The following ANKRD31 variants were observed in gnomAD, a reference collection of about 807,000 sequenced individuals.
The protein encoded by ANKRD31 is ankyrin repeat domain-containing protein 31.
A neutral mutation model predicts 186.0 loss-of-function variants in ANKRD31; 147 were observed. The observed-to-expected ratio is 0.79, with a 90% CI of 0.69 to 0.91. The LOEUF (loss-of-function observed/expected upper bound fraction) is 0.91. Ranked by LOEUF, ANKRD31 falls within the 40% of genes least tolerant of loss-of-function variation. ANKRD31 has a pLI of 0.00. For synonymous variants in ANKRD31, 673 were observed against 736.4 expected, an observed-to-expected ratio of 0.91 and a Z score of 1.39; for missense variants, 1,986 against 2,148.8, an observed-to-expected ratio of 0.92 and a Z score of 1.50.
intron 17 of ANKRD31, among the ~76,000 whole-genome samples, chr5:75,124,928 T>G (rs1749105902): frequency 6.6e-6 from 1 of 152,166 alleles, no homozygotes; most frequent in African/African-American, 2.4e-5. Flanking sequence ...GCTCAATATA[T>G]CCATTTAACA....
chr5:75,221,254 C>G (rs1377563228), intron 3 of ANKRD31, among the ~76,000 whole-genome samples: 1 of 151,736 alleles, frequency 6.6e-6, no homozygotes, highest in African/African-American at 2.4e-5. Context: ...TGATAATAAT[C>G]TGTACACCAA....
chr5:75,082,594 A>G (rs1745167996), intron 24 of ANKRD31, among the ~76,000 whole-genome samples: 1 of 152,218 alleles, frequency 6.6e-6, no homozygotes, highest in Non-Finnish European at 1.5e-5. Flanking sequence ...GCTAAAGGCT[A>G]TTCCATCTGA....
rs534108484 is a variant in ANKRD31 at position 75,140,737 on chromosome 5, C to G, written c.3596-1754G>C. Among the ~76,000 whole-genome samples the G allele has an allele frequency of 1.2e-3, 181 of 152,272 alleles. 2 individuals are homozygous for G. Among genetic ancestry groups the G allele is most frequent in the African/African-American group, 4.3e-3 (177 of 41,552 alleles). The stretch of plus-strand genomic sequence containing the variant: ...CAAGTAGCCATGTTGGAGAAGCCCA[C>G]CCAGCAAGAAACTGAGGATGGCCAC... On this transcript the variant is annotated intron_variant, in intron 15 of 25. Coordinates refer to ENST00000506364, the MANE Select transcript of ANKRD31 (RefSeq NM_001372053.1).
chr5:75,202,801 CT>C (rs1755901606), intron 5 of ANKRD31, among the ~76,000 whole-genome samples: 1 of 152,182 alleles, frequency 6.6e-6, no homozygotes, highest in African/African-American at 2.4e-5. Flanking sequence ...GTTCTGAATA[CT>C]CTGAAAGGAG....
intron 22 of ANKRD31, among the ~76,000 whole-genome samples, chr5:75,101,211 T>C (rs1029627010): frequency 3.3e-5 from 5 of 152,250 alleles, no homozygotes; most frequent in African/African-American, 1.2e-4. Context: ...TATGAAATTC[T>C]GGGTTGAAAA....
chr5:75,194,244 ATCTCT>A (rs1242428726), intron 7 of ANKRD31, among the ~76,000 whole-genome samples: 1 of 152,078 alleles, frequency 6.6e-6, no homozygotes, highest in Non-Finnish European at 1.5e-5. Flanking sequence ...ATATTATTTG[ATCTCT>A]TCTAAGTAAG....
intron 9 of ANKRD31, among the ~76,000 whole-genome samples, chr5:75,188,964 T>A (rs947704649): frequency 6.6e-6 from 1 of 152,160 alleles, no homozygotes; most frequent in Non-Finnish European, 1.5e-5. Context: ...GACTAACAGA[T>A]AATCTTCTTA....
At chr5:75,184,967 A>C (rs1331080147) in intron 10 of ANKRD31, among the ~76,000 whole-genome samples, 1 of 152,222 alleles carries the variant, frequency 6.6e-6, no homozygotes, top group African/African-American at 2.4e-5. Context: ...CTAAGTGTCC[A>C]TCAACAGAAG....
intron 21 of ANKRD31, 101 bp from the exon 22 acceptor site, chr5:75,105,319 A>G: frequency 8.2e-7 from 1 of 1,224,470 alleles, no homozygotes; most frequent in Admixed American, 3.3e-5. Context: ...AATTTTAATC[A>G]CTTTAAAATA....
chr5:75,144,626 T>G (rs1288075087), intron 14 of ANKRD31, among the ~76,000 whole-genome samples: 1 of 152,000 alleles, frequency 6.6e-6, no homozygotes, highest in Non-Finnish European at 1.5e-5. Flanking sequence ...ACATAAGACC[T>G]AAAACCATAA....
intron 10 of ANKRD31, among the ~76,000 whole-genome samples, chr5:75,185,078 G>C (rs1300967917): frequency 6.6e-6 from 1 of 152,044 alleles, no homozygotes; most frequent in Non-Finnish European, 1.5e-5. Flanking sequence ...AAGAACCTGG[G>C]GGACATCATG....
At chr5:75,133,594 T>C (rs9896199) in intron 17 of ANKRD31, among the ~76,000 whole-genome samples, 11 of 152,100 alleles carry the variant, frequency 7.2e-5, no homozygotes, top group Non-Finnish European at 2.9e-5. Flanking sequence ...CTGTCAACAT[T>C]AGACAGATCA....
chr5:75,110,377 G>T (rs1046231397), intron 20 of ANKRD31, among the ~76,000 whole-genome samples: 1 of 151,958 alleles, frequency 6.6e-6, no homozygotes, highest in Non-Finnish European at 1.5e-5. Flanking sequence ...AATAAACAAA[G>T]AACAGAAACA....
intron 1 of ANKRD31, among the ~76,000 whole-genome samples, chr5:75,232,744 A>G (rs1758024351): frequency 6.6e-6 from 1 of 152,152 alleles, no homozygotes; most frequent in Non-Finnish European, 1.5e-5. Flanking sequence ...GTGACAGAAT[A>G]TGCCACCCCA....
intron 3 of ANKRD31, among the ~76,000 whole-genome samples, chr5:75,218,351 T>C (rs1008445133): frequency 1.3e-5 from 2 of 152,084 alleles, no homozygotes; most frequent in Non-Finnish European, 1.5e-5. Context: ...CCAGAAGAAA[T>C]GGATAAATTC....
In ANKRD31 at chr5:75,202,080, T is replaced by C. The variant is rs145540184; in HGVS notation, c.404-2406A>G. The stretch of plus-strand genomic sequence containing the variant: ...ACCAATGTACTTCATCTTACACATA[T>C]TGATTGATGTCTCATGTCTCCCTAA... On this transcript the variant is annotated intron_variant, in intron 5 of 25. Coordinates refer to ENST00000506364, the MANE Select transcript of ANKRD31 (RefSeq NM_001372053.1). 7.8e-4 allele frequency among the ~76,000 whole-genome samples: 119 copies of C among 152,306 alleles called. 1 individual carries two copies. The highest frequency in any genetic ancestry group is 2.7e-3 in the African/African-American group (113 of 41,564).
chr5:75,089,542 A>G (rs1396750753), intron 23 of ANKRD31, among the ~76,000 whole-genome samples: 2 of 152,234 alleles, frequency 1.3e-5, no homozygotes, highest in Non-Finnish European at 2.9e-5. Flanking sequence ...CAAGACAAGA[A>G]GAGGCAGAGG....
At chr5:75,084,767 T>TA (rs1222591946) in intron 23 of ANKRD31, among the ~76,000 whole-genome samples, 8 of 152,220 alleles carry the variant, frequency 5.3e-5, no homozygotes, top group Non-Finnish European at 1.2e-4. Context: ...TTTATAACTT[T>TA]AAAAATTTAA....
intron 10 of ANKRD31, among the ~76,000 whole-genome samples, chr5:75,187,160 G>C (rs1157859368): frequency 6.9e-6 from 1 of 144,286 alleles, no homozygotes; most frequent in Admixed American, 6.9e-5. Context: ...TTTGGGAGGT[G>C]AAATGATGGT....
Sources: gnomAD v4.1 joint callset for allele counts (sites outside exome capture counted in the v4.1 genomes callset) on GRCh38, gnomAD v4.1.1 for gene constraint, MANE v1.5 for transcripts, NCBI Gene and HGNC (gene_info 2026-07-23, HGNC 2026-07-21) for gene names.